Variants in GRM5 observed in about 807,000 individuals in gnomAD.
The protein encoded by GRM5 is metabotropic glutamate receptor 5.
A neutral mutation model predicts 83.1 loss-of-function variants in GRM5; 19 were observed. The ratio of observed to expected loss-of-function variants is 0.23; its 90% CI spans 0.16 to 0.34. The LOEUF (loss-of-function observed/expected upper bound fraction) is 0.34. Ranked by LOEUF, GRM5 falls within the 10% of genes least tolerant of loss-of-function variation. The probability of loss-of-function intolerance (pLI) is 1.00; values close to 1 mark genes in which losing one functional copy is unlikely to be tolerated. For missense variants in GRM5, 1,160 were observed against 1,588.3 expected (o/e 0.73, Z 4.58); for synonymous variants, 675 against 633.6 (o/e 1.07, Z -0.98).
At chr11:88,526,102 A>G (rs1392693323) in intron 8 of GRM5, among the ~76,000 whole-genome samples, 1 of 152,212 alleles carries the variant, frequency 6.6e-6, no homozygotes, top group Non-Finnish European at 1.5e-5. Flanking sequence ...TTCTTTGGAT[A>G]TTAAAAGTTT....
chr11:88,793,088 C>A (rs149770723), intron 3 of GRM5, among the ~76,000 whole-genome samples: 129 of 152,160 alleles, frequency 8.5e-4, no homozygotes, highest in African/African-American at 2.3e-3. Flanking sequence ...ACAGATTATA[C>A]CCTTCTGTTC....
intron 3 of GRM5, among the ~76,000 whole-genome samples, chr11:88,723,076 T>C (rs1941585275): frequency 6.6e-6 from 1 of 152,114 alleles, no homozygotes; most frequent in African/African-American, 2.4e-5. Flanking sequence ...ATTTTTACTG[T>C]TTCCATAGTT....
At chr11:89,012,393 C>A (rs1940726261) in intron 2 of GRM5, among the ~76,000 whole-genome samples, 1 of 152,156 alleles carries the variant, frequency 6.6e-6, no homozygotes, top group Non-Finnish European at 1.5e-5. Flanking sequence ...CTGGCCTAAT[C>A]CAGCGAATTC....
chr11:88,827,690 T>C (rs1805079162), intron 3 of GRM5, among the ~76,000 whole-genome samples: 1 of 152,208 alleles, frequency 6.6e-6, no homozygotes, highest in South Asian at 2.1e-4. Flanking sequence ...TCCTATCTGC[T>C]AAAATATGGA....
At chr11:88,526,116 T>G (rs1004153639) in intron 8 of GRM5, among the ~76,000 whole-genome samples, 1 of 152,220 alleles carries the variant, frequency 6.6e-6, no homozygotes, top group African/African-American at 2.4e-5. Flanking sequence ...AAAGTTTCTG[T>G]AAACATTAAG....
chr11:88,610,447 A>T (rs1938282750), intron 4 of GRM5, among the ~76,000 whole-genome samples: 1 of 152,034 alleles, frequency 6.6e-6, no homozygotes, highest in Admixed American at 6.6e-5. Flanking sequence ...GGTAAACTGT[A>T]TTCCTAGTTA....
intron 8 of GRM5, among the ~76,000 whole-genome samples, chr11:88,535,420 C>T (rs938613303): frequency 6.6e-6 from 1 of 152,174 alleles, no homozygotes; most frequent in Non-Finnish European, 1.5e-5. Flanking sequence ...ATGCTCCAAC[C>T]ATATGGCAGG....
At chr11:88,933,787 A>C (rs1262152549) in intron 2 of GRM5, among the ~76,000 whole-genome samples, 1 of 151,880 alleles carries the variant, frequency 6.6e-6, no homozygotes, top group Non-Finnish European at 1.5e-5. Context: ...TAGGCTACCT[A>C]AATCACTCCA....
chr11:88,778,692 C>T (rs1942912568), intron 3 of GRM5, among the ~76,000 whole-genome samples: 1 of 152,172 alleles, frequency 6.6e-6, no homozygotes, highest in African/African-American at 2.4e-5. Flanking sequence ...CAACATTGGT[C>T]TAGTCTAAGT....
At chr11:88,967,954 T>A (rs1939037604) in intron 2 of GRM5, among the ~76,000 whole-genome samples, 1 of 151,966 alleles carries the variant, frequency 6.6e-6, no homozygotes. Flanking sequence ...AAAAATAGAG[T>A]GACCATCAAA....
intron 2 of GRM5, among the ~76,000 whole-genome samples, chr11:89,026,457 T>A (rs1941132630): frequency 6.6e-6 from 1 of 152,208 alleles, no homozygotes; most frequent in Non-Finnish European, 1.5e-5. Context: ...TTTGGAACAC[T>A]GAATATAGAT....
chr11:88,544,472 G>A (rs1942345790), intron 8 of GRM5, among the ~76,000 whole-genome samples: 1 of 152,178 alleles, frequency 6.6e-6, no homozygotes, highest in African/African-American at 2.4e-5. Context: ...CTCCGTAAAT[G>A]TGTGCATTGC....
intron 9 of GRM5, among the ~76,000 whole-genome samples, chr11:88,518,417 C>T (rs937186342): frequency 2.0e-5 from 3 of 151,756 alleles, no homozygotes; most frequent in Non-Finnish European, 1.5e-5. Flanking sequence ...AATTTTGATG[C>T]TATGTTTTTT....
At chr11:88,824,247 C>T (rs1943854463) in intron 3 of GRM5, among the ~76,000 whole-genome samples, 1 of 152,134 alleles carries the variant, frequency 6.6e-6, no homozygotes, top group East Asian at 1.9e-4. Flanking sequence ...TTCTGATTGG[C>T]TTTTGTGGAC....
intron 1 of GRM5, among the ~76,000 whole-genome samples, chr11:89,055,094 TAC>T (rs1403950530): frequency 2.0e-5 from 3 of 152,208 alleles, no homozygotes; most frequent in Non-Finnish European, 4.4e-5. Flanking sequence ...TGTCCAAGTA[TAC>T]ACTGTTTTAT....
chr11:88,841,787 GTTAT>G (rs1409975212), intron 3 of GRM5, among the ~76,000 whole-genome samples: 2 of 152,080 alleles, frequency 1.3e-5, no homozygotes, highest in Non-Finnish European at 2.9e-5. Flanking sequence ...TTCCCATGGT[GTTAT>G]TTAAGGTTCA....
chr11:89,008,649 T>A (rs1287259646), intron 2 of GRM5, among the ~76,000 whole-genome samples: 6 of 152,140 alleles, frequency 3.9e-5, no homozygotes. Context: ...AGTTCTCCAG[T>A]ATAAAATTTC....
chr11:88,943,636 A>G (rs1211288951), intron 2 of GRM5, among the ~76,000 whole-genome samples: 1 of 152,078 alleles, frequency 6.6e-6, no homozygotes, highest in South Asian at 2.1e-4. Flanking sequence ...GCCTTGTAGG[A>G]CTTTACCCTT....
chr11:88,513,169 A>G (rs1333173688), intron 9 of GRM5, among the ~76,000 whole-genome samples: 1 of 152,026 alleles, frequency 6.6e-6, no homozygotes, highest in East Asian at 1.9e-4. Context: ...CTAGATTCCT[A>G]TGGCACCTGC....
Sources: allele counts gnomAD v4.1 joint callset (sites outside exome capture counted in the v4.1 genomes callset), GRCh38; gene constraint gnomAD v4.1.1; transcripts MANE v1.5; gene names NCBI Gene and HGNC (gene_info 2026-07-23, HGNC 2026-07-21).